Variants in SHISA9 observed in about 807,000 individuals in gnomAD.
The protein encoded by SHISA9 is shisa family member 9.
Under a neutral mutation model 38.0 loss-of-function variants are expected in SHISA9, and 13 were observed. That is an observed-to-expected ratio of 0.34 (90% confidence interval 0.22 to 0.54). The LOEUF is 0.54. Ranked by LOEUF, SHISA9 falls within the 20% of genes least tolerant of loss-of-function variation. The pLI, the probability that SHISA9 is intolerant of heterozygous loss-of-function variation, is 0.91. For synonymous variants in SHISA9, 275 were observed against 242.0 expected (o/e 1.14, Z -1.27); for missense variants, 538 against 575.8 (o/e 0.93, Z 0.67).
the SHISA9 span, among the ~76,000 whole-genome samples, chr16:13,415,723 A>G: frequency 1.3e-5 from 2 of 152,202 alleles, no homozygotes; most frequent in African/African-American, 4.8e-5. Flanking sequence ...TTGGATAGCT[A>G]TGGATATGAT....
At chr16:13,525,694 AATC>A in the SHISA9 span, among the ~76,000 whole-genome samples, 2 of 152,274 alleles carry the variant, frequency 1.3e-5, no homozygotes, top group African/African-American at 4.8e-5. Flanking sequence ...TATCTGTAAA[AATC>A]ATCATTTTCA....
chr16:13,338,753 C>A, the SHISA9 span, among the ~76,000 whole-genome samples: 1 of 152,152 alleles, frequency 6.6e-6, no homozygotes, highest in Non-Finnish European at 1.5e-5. Context: ...GGTTTGTAAT[C>A]TCCAGGTGAA....
At chr16:13,400,403 A>G in the SHISA9 span, among the ~76,000 whole-genome samples, 1 of 152,096 alleles carries the variant, frequency 6.6e-6, no homozygotes, top group Admixed American at 6.6e-5. Flanking sequence ...AGAACTACTT[A>G]GCAAGTAAAC....
At chr16:13,340,332 G>A in the SHISA9 span, among the ~76,000 whole-genome samples, 1 of 152,194 alleles carries the variant, frequency 6.6e-6, no homozygotes, top group Non-Finnish European at 1.5e-5. Flanking sequence ...TCTTCTAAAG[G>A]AATATGGGAA....
At chr16:13,013,733 CT>C (rs35548167) in intron 2 of SHISA9, among the ~76,000 whole-genome samples, 140 of 147,038 alleles carry the variant, frequency 9.5e-4, no homozygotes, top group East Asian at 4.6e-3. Flanking sequence ...AAAATAATAC[CT>C]TTTTTTTTTT....
chr16:13,022,612 G>T (rs895570118), intron 2 of SHISA9, among the ~76,000 whole-genome samples: 13 of 152,054 alleles, frequency 8.5e-5, no homozygotes, highest in African/African-American at 3.1e-4. Context: ...GATTACAGTT[G>T]TAAGCCACCG....
At chr16:12,993,205 T>C (rs541990326) in intron 2 of SHISA9, among the ~76,000 whole-genome samples, 5 of 148,024 alleles carry the variant, frequency 3.4e-5, no homozygotes, top group African/African-American at 7.5e-5. Context: ...AAGGTTCAGA[T>C]TTGAAATAAG....
chr16:13,397,030 G>A, the SHISA9 span, among the ~76,000 whole-genome samples: 11 of 151,678 alleles, frequency 7.3e-5, no homozygotes, highest in Admixed American at 2.6e-4. Context: ...TGAGGACGAA[G>A]ACCTTTATGA....
the SHISA9 span, among the ~76,000 whole-genome samples, chr16:13,435,800 T>G: frequency 1.3e-5 from 2 of 152,116 alleles, no homozygotes; most frequent in African/African-American, 4.8e-5. Context: ...ACATAGGGCT[T>G]GGGGGTACTT....
chr16:13,413,438 C>G, the SHISA9 span, among the ~76,000 whole-genome samples: 1 of 152,038 alleles, frequency 6.6e-6, no homozygotes, highest in African/African-American at 2.4e-5. Flanking sequence ...ATGGAAGGGT[C>G]TTTGATGCTG....
chr16:13,098,210 G>A (rs1326866653), intron 2 of SHISA9, among the ~76,000 whole-genome samples: 1 of 152,034 alleles, frequency 6.6e-6, no homozygotes, highest in Non-Finnish European at 1.5e-5. Context: ...TGACACTTAG[G>A]GCCTCAGGCA....
At chr16:12,999,650 T>C (rs1481812655) in intron 2 of SHISA9, among the ~76,000 whole-genome samples, 1 of 152,214 alleles carries the variant, frequency 6.6e-6, no homozygotes, top group African/African-American at 2.4e-5. Flanking sequence ...TGGGGCCTGA[T>C]AGATGTTGCT....
chr16:13,509,443 A>G, the SHISA9 span, among the ~76,000 whole-genome samples: 1 of 152,154 alleles, frequency 6.6e-6, no homozygotes, highest in Admixed American at 6.6e-5. Flanking sequence ...CATGTCCTGC[A>G]CAATTCTCAG....
chr16:13,216,904 T>C (rs2142069170), intron 4 of SHISA9, among the ~76,000 whole-genome samples: 2 of 152,308 alleles, frequency 1.3e-5, no homozygotes, highest in South Asian at 4.1e-4. Flanking sequence ...TCACTGCTAT[T>C]GATCCACCCA....
At chr16:13,534,791 T>TCG in the SHISA9 span, among the ~76,000 whole-genome samples, 1 of 152,158 alleles carries the variant, frequency 6.6e-6, no homozygotes, top group African/African-American at 2.4e-5. Flanking sequence ...TAGCCTGATC[T>TCG]GTCTTCTCCC....
the SHISA9 span, among the ~76,000 whole-genome samples, chr16:13,510,151 CA>C: frequency 6.6e-6 from 1 of 151,894 alleles, no homozygotes; most frequent in East Asian, 1.9e-4. Flanking sequence ...ACTAAAAATG[CA>C]AAAAAATTAG....
At chr16:12,956,717 T>C (rs985448028) in intron 2 of SHISA9, among the ~76,000 whole-genome samples, 1 of 152,090 alleles carries the variant, frequency 6.6e-6, no homozygotes, top group Non-Finnish European at 1.5e-5. Context: ...CACTGGGGAC[T>C]CCAAAAGAGG....
the SHISA9 span, among the ~76,000 whole-genome samples, chr16:13,440,820 G>T: frequency 1.3e-5 from 2 of 152,086 alleles, no homozygotes; most frequent in African/African-American, 4.8e-5. Flanking sequence ...TACTCAGGAG[G>T]CTGAGGCAGG....
At chr16:13,275,751 A>G in the SHISA9 span, among the ~76,000 whole-genome samples, 1 of 151,948 alleles carries the variant, frequency 6.6e-6, no homozygotes, top group East Asian at 1.9e-4. Flanking sequence ...TAGAAAATTT[A>G]ATTTCTTTAC....
Sources: allele counts gnomAD v4.1 joint callset (sites outside exome capture counted in the v4.1 genomes callset), GRCh38; gene constraint gnomAD v4.1.1; transcripts MANE v1.5; gene names NCBI Gene and HGNC (gene_info 2026-07-23, HGNC 2026-07-21).